FAF1: variants seen among roughly 807,000 people sequenced by gnomAD.
The protein encoded by FAF1 is FAS-associated factor 1.
In FAF1, 25 loss-of-function variants were observed where a neutral mutation model predicts 92.5. The ratio of observed to expected loss-of-function variants is 0.27; its 90% CI spans 0.20 to 0.38. FAF1 has a LOEUF of 0.38. Ranked by LOEUF, FAF1 falls within the 10% of genes least tolerant of loss-of-function variation. The probability of loss-of-function intolerance (pLI) is 1.00; values close to 1 mark genes in which losing one functional copy is unlikely to be tolerated. For missense variants in FAF1, 636 were observed against 793.3 expected (o/e 0.80, Z 2.38); for synonymous variants, 234 against 273.2 (o/e 0.86, Z 1.42).
At chr1:50,865,200 G>A (rs1328934194) in intron 1 of FAF1, among the ~76,000 whole-genome samples, 2 of 152,136 alleles carry the variant, frequency 1.3e-5, no homozygotes, top group African/African-American at 2.4e-5. Flanking sequence ...AGGTGCTGGA[G>A]AGGATGTGGA....
intron 18 of FAF1, among the ~76,000 whole-genome samples, chr1:50,448,634 TAC>T (rs562059500): frequency 1.3e-5 from 2 of 152,160 alleles, no homozygotes; most frequent in South Asian, 4.1e-4. Flanking sequence ...TGTCCAGCTA[TAC>T]CATGGACTGA....
rs1557476747 is a variant in FAF1, at chr1:50,689,783, AAC to A, written c.657+16001_657+16002del. Among the ~76,000 whole-genome samples the A allele has an allele frequency of 2.0e-5, 3 of 152,308 alleles. No individual in the cohort carries two copies. In the East Asian group the frequency reaches 5.8e-4, roughly 29 times the overall value. On this transcript the variant is annotated intron_variant, in intron 7 of 18. Coordinates refer to ENST00000396153, the MANE Select transcript of FAF1 (RefSeq NM_007051.3). ...GAATAAAATACGGATTACATGTGGC[AAC>A]ACAGATGAACCTTAAAAACATGCCA...
chr1:50,928,457 A>C (rs1235354602), intron 1 of FAF1, among the ~76,000 whole-genome samples: 1 of 152,130 alleles, frequency 6.6e-6, no homozygotes, highest in East Asian at 1.9e-4. Flanking sequence ...AAAATATCAC[A>C]CTTAAAAGAA....
chr1:50,759,116 T>C (rs1660209021), intron 4 of FAF1, among the ~76,000 whole-genome samples: 1 of 152,026 alleles, frequency 6.6e-6, no homozygotes, highest in African/African-American at 2.4e-5. Context: ...TGCTGTGTAT[T>C]TATTATTCTT....
At chr1:50,929,930 A>G (rs1395788492) in intron 1 of FAF1, among the ~76,000 whole-genome samples, 4 of 152,214 alleles carry the variant, frequency 2.6e-5, no homozygotes, top group Admixed American at 6.5e-5. Context: ...ACAGTCTACA[A>G]CTCTTAAAAA....
intron 18 of FAF1, among the ~76,000 whole-genome samples, chr1:50,445,744 G>A (rs1646220442): frequency 6.6e-6 from 1 of 152,116 alleles, no homozygotes; most frequent in Non-Finnish European, 1.5e-5. Context: ...TCAGATAAGA[G>A]GTATGGCTTG....
intron 2 of FAF1, among the ~76,000 whole-genome samples, chr1:50,821,432 A>C (rs1644042415): frequency 2.0e-5 from 3 of 152,224 alleles, no homozygotes; most frequent in African/African-American, 7.2e-5. Flanking sequence ...AACATAAAAA[A>C]ACTTTTACTA....
chr1:50,536,493 G>C (rs186302530), intron 14 of FAF1, among the ~76,000 whole-genome samples: 2 of 152,112 alleles, frequency 1.3e-5, no homozygotes, highest in African/African-American at 4.8e-5. Context: ...TTTTCCAGAG[G>C]GCTTGACTAA....
At chr1:50,722,646 C>CAAAAAAA (rs58511862) in intron 6 of FAF1, among the ~76,000 whole-genome samples, 13 of 65,692 alleles carry the variant, frequency 2.0e-4, no homozygotes, top group African/African-American at 6.6e-4. Context: ...GCGACAGTCT[C>CAAAAAAA]AAAAAAAAAA....
chr1:50,633,013 T>C (rs986979397), intron 8 of FAF1, among the ~76,000 whole-genome samples: 3 of 152,214 alleles, frequency 2.0e-5, no homozygotes, highest in African/African-American at 7.2e-5. Context: ...TTTTTAATTA[T>C]TGCAATGCTG....
intron 1 of FAF1, among the ~76,000 whole-genome samples, chr1:50,864,779 G>A (rs1644466197): frequency 1.3e-5 from 2 of 152,114 alleles, no homozygotes; most frequent in Admixed American, 1.3e-4. Context: ...CGTAGGCATG[G>A]GCAAGGACTT....
chr1:50,650,071 G>A (rs1654786736), intron 8 of FAF1, among the ~76,000 whole-genome samples: 1 of 149,470 alleles, frequency 6.7e-6, no homozygotes, highest in African/African-American at 2.5e-5. Context: ...GATCACCTGA[G>A]GTCGGGAGTT....
At chr1:50,911,835 C>A (rs1386470766) in intron 1 of FAF1, among the ~76,000 whole-genome samples, 1 of 152,098 alleles carries the variant, frequency 6.6e-6, no homozygotes, top group Non-Finnish European at 1.5e-5. Flanking sequence ...GAGTTCAAGA[C>A]CAGCCTGGGC....
Position 50,959,837 on chromosome 1 carries a change from G to A in FAF1, c.-26C>T. The A allele has an allele frequency of 1.3e-6, 2 of 1,536,716 alleles. No individual in the cohort carries two copies. On this transcript the variant is annotated 5_prime_UTR_variant, in exon 1 of 19. Coordinates refer to ENST00000396153, the MANE Select transcript of FAF1 (RefSeq NM_007051.3). ...GGCGGCCGCCGAGTTCCGCGGCTCCGGGAGCGAAGCGCGCACCTGGGAGGC... is the reference window on the plus strand; with the variant it reads ...GGCGGCCGCCGAGTTCCGCGGCTCCAGGAGCGAAGCGCGCACCTGGGAGGC...
intron 15 of FAF1, among the ~76,000 whole-genome samples, chr1:50,519,212 C>A (rs1273553708): frequency 1.3e-5 from 2 of 151,822 alleles, no homozygotes; most frequent in Admixed American, 1.3e-4. Context: ...CACCTGAAAT[C>A]CCAGCTACTT....
intron 8 of FAF1, among the ~76,000 whole-genome samples, chr1:50,648,910 G>A (rs2124272773): frequency 6.6e-6 from 1 of 152,264 alleles, no homozygotes; most frequent in Non-Finnish European, 1.5e-5. Flanking sequence ...TGGGTAACAA[G>A]AGCGAAACTC....
chr1:50,927,703 T>C (rs867875763), intron 1 of FAF1, among the ~76,000 whole-genome samples: 23 of 152,196 alleles, frequency 1.5e-4, no homozygotes, highest in Admixed American at 9.8e-4. Flanking sequence ...ATTATATTCT[T>C]CTTTTTCATT....
chr1:50,601,684 T>C (rs1021242772), intron 8 of FAF1, among the ~76,000 whole-genome samples: 1 of 150,622 alleles, frequency 6.6e-6, no homozygotes, highest in Non-Finnish European at 1.5e-5. Context: ...AAACAATACA[T>C]ATATATTCAT....
rs553502739 is a variant in FAF1 at position 50,884,741 on chromosome 1, G to C, written c.46-26744C>G. The stretch of plus-strand genomic sequence containing the variant: ...TTTTTTTTGGTTTGTTTTTTGTTTT[G>C]ATGTGTTTTTTTCTGATTTTGGCAT... On this transcript the variant is annotated intron_variant, in intron 1 of 18. Transcript: ENST00000396153. Among the ~76,000 whole-genome samples the C allele has an allele frequency of 2.0e-5, 3 of 152,062 alleles. No individual in the cohort carries two copies. The South Asian group carries it at 6.2e-4, about 32-fold the overall frequency.
Sources: allele counts gnomAD v4.1 joint callset (sites outside exome capture counted in the v4.1 genomes callset), GRCh38; gene constraint gnomAD v4.1.1; transcripts MANE v1.5; gene names NCBI Gene and HGNC (gene_info 2026-07-23, HGNC 2026-07-21).